Variants in KDM1A observed in about 807,000 individuals in gnomAD.
The protein encoded by KDM1A is lysine-specific histone demethylase 1A.
A neutral mutation model predicts 109.4 loss-of-function variants in KDM1A; 49 were observed. The observed-to-expected ratio is 0.45, with a 90% CI of 0.36 to 0.57. The LOEUF (loss-of-function observed/expected upper bound fraction) is 0.57, where lower values mean the gene tolerates loss of function less well. Among genes scored for constraint, KDM1A ranks in the 20% least tolerant of loss-of-function variants. The probability of loss-of-function intolerance (pLI) is 0.00; values close to 1 mark genes in which losing one functional copy is unlikely to be tolerated. For synonymous variants in KDM1A, 380 were observed against 415.4 expected, an observed-to-expected ratio of 0.91 and a Z score of 1.04; for missense variants, 668 against 1,116.6, an observed-to-expected ratio of 0.60 and a Z score of 5.73.
rs1391324173 is a variant in KDM1A at position 23,020,128 on chromosome 1, G to T, written c.351+181G>T. The stretch of plus-strand genomic sequence containing the variant: ...GTGGGGTGAGAAAGGAAAAGTCTTT[G>T]CCGGTGTTGACTGCGGTCTTTGTGC... On this transcript the variant is annotated intron_variant, in intron 1 of 20. Transcript: ENST00000400181. The T allele has an allele frequency of 4.7e-6, 3 of 634,204 alleles. No individual in the cohort carries two copies. The East Asian group carries it at 1.0e-4, about 22-fold the overall frequency. 39.3% of individuals were successfully genotyped at this position (634,204 alleles called of 1,614,324 possible).
intron 14 of KDM1A, 139 bp from the exon 15 acceptor site, chr1:23,073,153 C>A: frequency 1.8e-6 from 1 of 558,056 alleles, no homozygotes. Flanking sequence ...AGATAAGATG[C>A]TACTTTTTGA....
intron 15 of KDM1A, 46 bp from the exon 16 acceptor site, chr1:23,077,182 C>T (rs1283600618): frequency 1.3e-6 from 2 of 1,586,904 alleles, no homozygotes; most frequent in South Asian, 1.1e-5. Flanking sequence ...GCAAATGACA[C>T]AGATTAATAA....
Position 23,083,613 on chromosome 1 carries a change from A to ACAT in KDM1A, c.*254_*256dup. Reference sequence around the variant, plus strand: ...TGAGGCAAGCAAGTGCTGTGAAATAACATCATCTTAGTCCCTTGGTGTGTG... The same window carrying ACAT: ...TGAGGCAAGCAAGTGCTGTGAAATAACATCATCATCTTAGTCCCTTGGTGTGTG... On this transcript the variant is annotated 3_prime_UTR_variant, in exon 21 of 21. Transcript: ENST00000400181. 5.5e-6 allele frequency: 2 copies of ACAT among 365,474 alleles called. No homozygotes were observed. The highest frequency in any genetic ancestry group is 4.9e-6 in the Non-Finnish European group (1 of 202,718). 22.6% of individuals were successfully genotyped at this position (365,474 alleles called of 1,614,324 possible).
At chr1:23,042,440 A>ATTATTATTATTTTTTT (rs1553127465) in intron 2 of KDM1A, among the ~76,000 whole-genome samples, 225 of 21,592 alleles carry the variant, frequency 0.01, 12 homozygotes, top group Non-Finnish European at 0.015. Flanking sequence ...GAAATATATT[A>ATTATTATTATTTTTTT]TTTTTTTTTT....
At position 23,081,674 on chromosome 1, in the gene KDM1A, T is replaced by C. The variant is rs900073769; in HGVS notation, c.2298+101T>C. The C allele has an allele frequency of 3.7e-6, 5 of 1,361,232 alleles. No individual in the cohort carries two copies. The Admixed American group carries it at 6.4e-5, about 17-fold the overall frequency. The allele number at this position is 1,361,232 out of a possible 1,614,324, so 84.3% of individuals were successfully genotyped here. ...TTGGTCAGGACAGTTTAAGCTAGAA[T>C]TGAGGTCTGTGCTTTTACATGAATA... is the stretch of plus-strand genomic sequence containing the variant. On this transcript the variant is annotated intron_variant, in intron 19 of 20. Coordinates refer to ENST00000400181, the MANE Select transcript of KDM1A (RefSeq NM_001009999.3).
chr1:23,037,611 A>G (rs908523922), intron 2 of KDM1A, among the ~76,000 whole-genome samples: 4 of 152,328 alleles, frequency 2.6e-5, no homozygotes, highest in East Asian at 3.9e-4. Flanking sequence ...GTGATTAACA[A>G]TAGTCACCAT....
intron 5 of KDM1A, among the ~76,000 whole-genome samples, chr1:23,054,623 G>A (rs7543975): frequency 0.29 from 44,062 of 151,624 alleles, 6,444 homozygotes; most frequent in Middle Eastern, 0.4. Flanking sequence ...TTGTAGAGTC[G>A]GGGTCTTTAC....
In KDM1A at chr1:23,055,122, A is replaced by G; in HGVS notation, c.844A>G (p.Ile282Val). The G allele has an allele frequency of 6.2e-7, 1 of 1,612,230 alleles. No individual in the cohort carries two copies. The highest frequency in any genetic ancestry group is 8.5e-7 in the Non-Finnish European group (1 of 1,179,398). The change falls in exon 6 of 21, where the codon ATC (isoleucine) becomes GTC (valine). Residue 282 changes from isoleucine to valine, a missense_variant. Coordinates refer to ENST00000400181, the MANE Select transcript of KDM1A (RefSeq NM_001009999.3). ...VHSYLERHGL[I>V]NFGIYKRIKP... ...CAGTTATTTAGAGCGTCATGGTCTT[A>G]TCAACTTCGGCATCTATAAGAGGAT... is the stretch of plus-strand genomic sequence containing the variant.
chr1:23,081,390 A>G (rs2124552308), intron 18 of KDM1A, 56 bp from the exon 19 acceptor site: 1 of 1,600,968 alleles, frequency 6.2e-7, no homozygotes, highest in Non-Finnish European at 8.5e-7. Flanking sequence ...CTGATAAGGA[A>G]GTTTTTGAGG....
Position 23,077,330 on chromosome 1 carries a change from G to A in KDM1A, c.1837G>A (p.Ala613Thr). The A allele has an allele frequency of 6.2e-7, 1 of 1,613,728 alleles. No homozygotes were observed. The highest frequency in any genetic ancestry group is 1.1e-5 in the South Asian group (1 of 91,034). ...AEGLDIKLNT[A>T]VRQVRYTASG... ...AGGCCTAGACATTAAACTGAATACA[G>A]CAGTGCGACAGGTTCGCTACACGGC... Residue 613 changes from alanine to threonine, a missense_variant, in exon 16 of 21, where the codon GCA becomes ACA. Coordinates refer to ENST00000400181, the MANE Select transcript of KDM1A (RefSeq NM_001009999.3).
intron 2 of KDM1A, among the ~76,000 whole-genome samples, chr1:23,037,784 A>G (rs1160263742): frequency 6.6e-6 from 1 of 152,222 alleles, no homozygotes; most frequent in Non-Finnish European, 1.5e-5. Context: ...ATCAGATGCT[A>G]CAAGTTTATG....
chr1:23,082,180 G>C (rs763589906), intron 19 of KDM1A, 40 bp from the exon 20 acceptor site: 2 of 1,604,062 alleles, frequency 1.2e-6, no homozygotes, highest in Non-Finnish European at 1.7e-6. Context: ...ATTTGTGCTT[G>C]GTGTCTCGTA....
chr1:23,083,176 T>C lies in KDM1A; in HGVS notation c.2446-3T>C. On this transcript the variant is annotated splice_polypyrimidine_tract_variant and splice_region_variant and intron_variant, in intron 20 of 20. Coordinates refer to ENST00000400181, the MANE Select transcript of KDM1A (RefSeq NM_001009999.3). ...CCAATTTTCTCTTTTTCCCCTAAAA[T>C]AGCCGATTCCACGACTCTTCTTTGC... 3.1e-6 allele frequency: 5 copies of C among 1,605,038 alleles called. No homozygotes were observed. The highest frequency in any genetic ancestry group is 1.7e-6 in the Non-Finnish European group (2 of 1,172,744).
intron 9 of KDM1A, among the ~76,000 whole-genome samples, chr1:23,063,231 G>GGTGTGT (rs755287896): frequency 4.7e-4 from 14 of 29,502 alleles, no homozygotes; most frequent in African/African-American, 8.5e-4. Context: ...GGTGTGTGTG[G>GGTGTGT]GTGTGTGTGT....
intron 9 of KDM1A, among the ~76,000 whole-genome samples, chr1:23,062,071 G>C (rs2124487587): frequency 6.6e-6 from 1 of 152,320 alleles, no homozygotes; most frequent in Non-Finnish European, 1.5e-5. Context: ...TAGGTCAGTA[G>C]CTTTATTCTC....
At chr1:23,083,017 A>G (rs1643666893) in intron 20 of KDM1A, 162 bp from the exon 21 acceptor site, 1 of 609,456 alleles carries the variant, frequency 1.6e-6, no homozygotes. Context: ...AATTCTGGGA[A>G]AGTGCCTACT....
chr1:23,035,945 A>C (rs1001980386), intron 2 of KDM1A, among the ~76,000 whole-genome samples: 2 of 152,190 alleles, frequency 1.3e-5, no homozygotes, highest in Non-Finnish European at 2.9e-5. Flanking sequence ...ACCTTATATT[A>C]GGGTAGTTCT....
chr1:23,055,532 A>G (rs1191849587), intron 6 of KDM1A: 2 of 169,760 alleles, frequency 1.2e-5, no homozygotes, highest in Non-Finnish European at 2.5e-5. Context: ...TAATGCTTTA[A>G]TCATTTTTTC....
intron 3 of KDM1A, among the ~76,000 whole-genome samples, chr1:23,048,012 A>G (rs2179411): frequency 0.99 from 151,461 of 152,334 alleles, 75,299 homozygotes; most frequent in East Asian, 1. Context: ...TTTGCAGTAG[A>G]ATGTTCAGTG....
Sources: allele counts gnomAD v4.1 joint callset (sites outside exome capture counted in the v4.1 genomes callset), GRCh38; gene constraint gnomAD v4.1.1; transcripts MANE v1.5; gene names NCBI Gene and HGNC (gene_info 2026-07-23, HGNC 2026-07-21).